The following KCNK13 variants were observed in gnomAD, a reference collection of about 807,000 sequenced individuals.
KCNK13 encodes potassium channel subfamily K member 13.
In KCNK13, 12 loss-of-function variants were observed where a neutral mutation model predicts 23.4. The observed-to-expected ratio is 0.51, with a 90% CI of 0.33 to 0.83. The LOEUF is 0.83. Among genes scored for constraint, KCNK13 ranks in the 40% least tolerant of loss-of-function variants. The pLI is 0.02. For missense variants in KCNK13, 463 were observed against 556.3 expected, an observed-to-expected ratio of 0.83 and a Z score of 1.69; for synonymous variants, 231 against 229.5, an observed-to-expected ratio of 1.01 and a Z score of -0.06.
intron 1 of KCNK13, among the ~76,000 whole-genome samples, chr14:90,138,310 A>G (rs1217581574): frequency 6.6e-6 from 1 of 152,200 alleles, no homozygotes; most frequent in Non-Finnish European, 1.5e-5. Context: ...TTTTATCTCT[A>G]TCCATACAGG....
intron 1 of KCNK13, among the ~76,000 whole-genome samples, chr14:90,095,336 G>A (rs147292988): frequency 1.1e-4 from 17 of 152,300 alleles, no homozygotes; most frequent in Admixed American, 2.0e-4. Flanking sequence ...TATAACTGCC[G>A]TGAAGACTTG....
At chr14:90,128,581 G>A (rs1014902297) in intron 1 of KCNK13, among the ~76,000 whole-genome samples, 1 of 152,158 alleles carries the variant, frequency 6.6e-6, no homozygotes, top group African/African-American at 2.4e-5. Context: ...CCATCCTGGA[G>A]ACAGAGGTAC....
At chr14:90,071,317 T>C (rs1260204615) in intron 1 of KCNK13, among the ~76,000 whole-genome samples, 1 of 152,210 alleles carries the variant, frequency 6.6e-6, no homozygotes, top group East Asian at 1.9e-4. Context: ...GATTTTTGCT[T>C]GCATCTTAAA....
chr14:90,139,342 G>A (rs1398646948), intron 1 of KCNK13, among the ~76,000 whole-genome samples: 1 of 152,118 alleles, frequency 6.6e-6, no homozygotes, highest in Non-Finnish European at 1.5e-5. Flanking sequence ...GAGGAATCGG[G>A]GAAGAGCATT....
chr14:90,143,215 T>TC (rs1284644830), intron 1 of KCNK13, among the ~76,000 whole-genome samples: 15 of 147,292 alleles, frequency 1.0e-4, no homozygotes, highest in African/African-American at 3.7e-4. Flanking sequence ...TTCTTTTCTT[T>TC]TTTTTTTTTT....
chr14:90,070,658 C>T (rs1405166829), intron 1 of KCNK13, among the ~76,000 whole-genome samples: 1 of 152,188 alleles, frequency 6.6e-6, no homozygotes, highest in African/African-American at 2.4e-5. Flanking sequence ...AATCTTTTTC[C>T]ATCCAGATTC....
At chr14:90,156,983 C>T (rs1389971172) in intron 1 of KCNK13, among the ~76,000 whole-genome samples, 1 of 152,130 alleles carries the variant, frequency 6.6e-6, no homozygotes, top group Non-Finnish European at 1.5e-5. Flanking sequence ...CTGAATAAAC[C>T]AGAGTTTATT....
rs183617539 is a variant in KCNK13, at chr14:90,165,553, G to T, written c.335-18558G>T. On this transcript the variant is annotated intron_variant, in intron 1 of 1. Transcript: ENST00000282146. ...AAAAGGCACAAAGGCACCTTTCATC[G>T]GTTACATGCCTGTGTTGGTAACATT... Among the ~76,000 whole-genome samples, 12 of 152,214 alleles carry T rather than the reference G, an allele frequency of 7.9e-5. No homozygotes were observed. The East Asian group carries it at 1.9e-3, about 24-fold the overall frequency.
At chr14:90,128,106 A>G (rs1314294258) in intron 1 of KCNK13, among the ~76,000 whole-genome samples, 1 of 152,178 alleles carries the variant, frequency 6.6e-6, no homozygotes, top group Non-Finnish European at 1.5e-5. Context: ...GAAATAAAAA[A>G]TATGGACCCT....
chr14:90,087,364 C>T (rs986025325), intron 1 of KCNK13, among the ~76,000 whole-genome samples: 18 of 151,778 alleles, frequency 1.2e-4, no homozygotes, highest in Non-Finnish European at 2.4e-4. Flanking sequence ...TGTTTTAATA[C>T]AGCTGCTTTT....
chr14:90,137,219 T>C (rs1313007272), intron 1 of KCNK13, among the ~76,000 whole-genome samples: 1 of 152,224 alleles, frequency 6.6e-6, no homozygotes, highest in Non-Finnish European at 1.5e-5. Flanking sequence ...AGTAACAAGG[T>C]ACCTAGTGAA....
At chr14:90,089,157 G>T (rs918970375) in intron 1 of KCNK13, among the ~76,000 whole-genome samples, 10 of 152,152 alleles carry the variant, frequency 6.6e-5, no homozygotes, top group African/African-American at 2.4e-4. Flanking sequence ...CAGTTTGGAG[G>T]GCTCAGAAAA....
chr14:90,063,229 T>C (rs1888967108), intron 1 of KCNK13, among the ~76,000 whole-genome samples: 1 of 151,820 alleles, frequency 6.6e-6, no homozygotes, highest in African/African-American at 2.4e-5. Context: ...GTTGGAGTGG[T>C]GGAAGGAAGA....
At chr14:90,116,044 T>A (rs1424146958) in intron 1 of KCNK13, among the ~76,000 whole-genome samples, 2 of 152,238 alleles carry the variant, frequency 1.3e-5, no homozygotes, top group Non-Finnish European at 2.9e-5. Context: ...TCCAAGCATA[T>A]TTTTCTATGC....
At chr14:90,179,444 G>T (rs1199768588) in intron 1 of KCNK13, among the ~76,000 whole-genome samples, 1 of 152,138 alleles carries the variant, frequency 6.6e-6, no homozygotes, top group Non-Finnish European at 1.5e-5. Flanking sequence ...CTGTGGGGGT[G>T]GACTGGGACC....
chr14:90,073,660 G>A (rs1365756406), intron 1 of KCNK13, among the ~76,000 whole-genome samples: 1 of 152,018 alleles, frequency 6.6e-6, no homozygotes, highest in Non-Finnish European at 1.5e-5. Context: ...AAGTTGTTGT[G>A]TTTTTTGTTT....
At chr14:90,131,640 A>G (rs1024879668) in intron 1 of KCNK13, among the ~76,000 whole-genome samples, 2 of 151,910 alleles carry the variant, frequency 1.3e-5, no homozygotes, top group East Asian at 1.9e-4. Context: ...TGATCCTCCC[A>G]CCTCAGCCTC....
chr14:90,071,234 G>T (rs1382219440), intron 1 of KCNK13, among the ~76,000 whole-genome samples: 4 of 152,064 alleles, frequency 2.6e-5, no homozygotes, highest in Non-Finnish European at 5.9e-5. Context: ...GGCTCCTTGG[G>T]GTCCTGTCCA....
chr14:90,064,453 A>T (rs1039527400), intron 1 of KCNK13, among the ~76,000 whole-genome samples: 3 of 151,942 alleles, frequency 2.0e-5, no homozygotes, highest in African/African-American at 7.3e-5. Context: ...GGCTTTGGGG[A>T]TACGAATATG....
Sources: allele counts gnomAD v4.1 joint callset (sites outside exome capture counted in the v4.1 genomes callset), GRCh38; gene constraint gnomAD v4.1.1; transcripts MANE v1.5; gene names NCBI Gene and HGNC (gene_info 2026-07-23, HGNC 2026-07-21).